The following ABCB1 variants were observed in gnomAD, a reference collection of about 807,000 sequenced individuals.
The protein encoded by ABCB1 is ATP-dependent translocase ABCB1.
In ABCB1, 69 loss-of-function variants were observed where a neutral mutation model predicts 142.0. The observed-to-expected ratio is 0.49, with a 90% CI of 0.40 to 0.59. The LOEUF (loss-of-function observed/expected upper bound fraction) is 0.59, where lower values mean the gene tolerates loss of function less well. Ranked by LOEUF, ABCB1 falls within the 20% of genes least tolerant of loss-of-function variation. The pLI is 0.00. For synonymous variants in ABCB1, 532 were observed against 539.2 expected (o/e 0.99, Z 0.18); for missense variants, 1,326 against 1,554.7 (o/e 0.85, Z 2.47).
chr7:87,656,537 A>G (rs2130417985), intron 1 of ABCB1, among the ~76,000 whole-genome samples: 1 of 152,196 alleles, frequency 6.6e-6, no homozygotes, highest in Non-Finnish European at 1.5e-5. Context: ...ACACTTGAGA[A>G]AAAATGATAG....
chr7:87,666,705 A>G (rs62489861), intron 1 of ABCB1, among the ~76,000 whole-genome samples: 11 of 152,120 alleles, frequency 7.2e-5, no homozygotes, highest in Non-Finnish European at 1.0e-4. Flanking sequence ...TCTTCCACAT[A>G]TGGCTATCCA....
chr7:87,628,954 G>T (rs930887159), intron 1 of ABCB1: 2 of 1,309,038 alleles, frequency 1.5e-6, no homozygotes, highest in East Asian at 2.8e-5. Context: ...AGGTACGGCA[G>T]CGCAGGGCGA....
chr7:87,594,663 G>A (rs537655398), intron 3 of ABCB1, among the ~76,000 whole-genome samples: 4 of 152,246 alleles, frequency 2.6e-5, no homozygotes, highest in African/African-American at 9.6e-5. Context: ...AATGACTCAA[G>A]TACATAGTCT....
At position 87,539,284 on chromosome 7, in the gene ABCB1, CG is replaced by C; in HGVS notation, c.2380del (p.Arg794AspfsTer8). 5.0e-6 allele frequency: 8 copies of C among 1,614,090 alleles called. No homozygotes were observed. The highest frequency in any genetic ancestry group is 5.9e-6 in the Non-Finnish European group (7 of 1,179,996). On this transcript the variant is annotated frameshift_variant, in exon 19 of 28. Transcript: ENST00000622132. LOFTEE classifies it high-confidence loss of function. ...TAGACATACCTGTCTGAGCATGGAT[CG>C]GAAAACCATGTATCGGAGCCGCTTG... ...LTKRLRYMVF[R>X]SMLRQDVSWF...
Position 87,600,760 on chromosome 7 carries a change from G to C in ABCB1, c.-12C>G, listed in dbSNP as rs1819422093. On this transcript the variant is annotated 5_prime_UTR_variant, in exon 1 of 28. Transcript: ENST00000622132. ...CCAGCTTTGCGTGCCCCTACCTCGC[G>C]CTCCTTGGAACGGCCACCAAGACGT... 1 of 152,726 alleles carries C rather than the reference G, an allele frequency of 6.5e-6. No homozygotes were observed. The highest frequency in any genetic ancestry group is 2.4e-5 in the African/African-American group (1 of 41,426). The allele number at this position is 152,726 out of a possible 1,614,324, so 9.5% of individuals were successfully genotyped here.
At chr7:87,569,405 T>C (rs1297419923) in intron 5 of ABCB1, among the ~76,000 whole-genome samples, 2 of 152,062 alleles carry the variant, frequency 1.3e-5, no homozygotes, top group African/African-American at 4.8e-5. Context: ...GTAAAATCAT[T>C]TTCTTCTGAT....
At chr7:87,567,776 T>C (rs1364327968) in intron 5 of ABCB1, among the ~76,000 whole-genome samples, 1 of 152,154 alleles carries the variant, frequency 6.6e-6, no homozygotes, top group Non-Finnish European at 1.5e-5. Context: ...AATTAATGTT[T>C]CCTTGCTCTG....
Position 87,536,540 on chromosome 7 carries a change from T to C in ABCB1, c.2399A>G (p.Asp800Gly). ...YMVFRSMLRQ[D>G]VSWFDDPKNT... is the part of the protein sequence containing the mutation. ...TTTAGGGTCATCAAACCAACTCACA[T>C]CCTGTGGCACAGAAAATGATTTTAT... Residue 800 changes from aspartate to glycine, a missense_variant and splice_region_variant, in exon 20 of 28, where the codon GAT becomes GGT. By Grantham distance (94) the Asp-to-Gly change is moderately conservative. Coordinates refer to ENST00000622132, the MANE Select transcript of ABCB1 (RefSeq NM_001348946.2). 1 of 1,613,792 alleles carries C rather than the reference T, an allele frequency of 6.2e-7. No individual in the cohort carries two copies. Among genetic ancestry groups the C allele is most frequent in the South Asian group, 1.1e-5 (1 of 91,062 alleles).
chr7:87,632,223 T>A (rs989957266), intron 1 of ABCB1, among the ~76,000 whole-genome samples: 1 of 152,200 alleles, frequency 6.6e-6, no homozygotes, highest in Non-Finnish European at 1.5e-5. Context: ...CAGTTTAGGT[T>A]TAAAGTCTTC....
intron 1 of ABCB1, among the ~76,000 whole-genome samples, chr7:87,703,912 TGG>T (rs375496150): frequency 0.14 from 8,532 of 61,496 alleles, 17 homozygotes; most frequent in African/African-American, 0.17. Flanking sequence ...TTTTTTTTTT[TGG>T]TTTTTTTTTT....
intron 1 of ABCB1, among the ~76,000 whole-genome samples, chr7:87,686,361 G>A (rs949162500): frequency 5.9e-5 from 9 of 152,162 alleles, no homozygotes; most frequent in Non-Finnish European, 1.3e-4. Flanking sequence ...ATATTAACGA[G>A]CATGGTGTAA....
At chr7:87,644,568 T>C (rs1456163620) in intron 1 of ABCB1, among the ~76,000 whole-genome samples, 2 of 152,222 alleles carry the variant, frequency 1.3e-5, no homozygotes, top group Non-Finnish European at 2.9e-5. Context: ...TGATTCTAGA[T>C]GTTTTCATGT....
At chr7:87,521,914 AC>A in intron 21 of ABCB1, 1 of 775,702 alleles carries the variant, frequency 1.3e-6, no homozygotes, top group Non-Finnish European at 2.3e-6. Context: ...TGCTTTAGTA[AC>A]TTTTGACGAC....
intron 21 of ABCB1, among the ~76,000 whole-genome samples, chr7:87,525,383 C>G (rs1815738362): frequency 6.6e-6 from 1 of 152,030 alleles, no homozygotes; most frequent in African/African-American, 2.4e-5. Flanking sequence ...TACAATGGAG[C>G]CTTGGACAAC....
intron 23 of ABCB1, among the ~76,000 whole-genome samples, chr7:87,517,464 A>G (rs906332153): frequency 2.6e-5 from 4 of 152,018 alleles, no homozygotes; most frequent in African/African-American, 9.7e-5. Flanking sequence ...ATCCCAACCA[A>G]CCAGCTACAG....
chr7:87,681,174 G>T (rs1826894302), intron 1 of ABCB1, among the ~76,000 whole-genome samples: 1 of 150,586 alleles, frequency 6.6e-6, no homozygotes, highest in African/African-American at 2.5e-5. Context: ...ATCTATTAAA[G>T]AAGTTGAATC....
chr7:87,694,184 C>T (rs1000916378), intron 1 of ABCB1: 1 of 329,276 alleles, frequency 3.0e-6, no homozygotes, highest in African/African-American at 2.2e-5. Context: ...AATATAATAA[C>T]CTATTTACTT....
intron 6 of ABCB1, 94 bp downstream of exon 6, chr7:87,566,691 T>C: frequency 1.6e-6 from 2 of 1,248,328 alleles, no homozygotes; most frequent in Non-Finnish European, 1.2e-6. Flanking sequence ...CTTTGAATGA[T>C]ACATTAACAC....
intron 1 of ABCB1, among the ~76,000 whole-genome samples, chr7:87,701,121 G>A (rs1374843640): frequency 6.6e-6 from 1 of 152,220 alleles, no homozygotes; most frequent in Non-Finnish European, 1.5e-5. Context: ...ACTGAAATAT[G>A]ATGGTTGCTT....
Sources: allele counts gnomAD v4.1 joint callset (sites outside exome capture counted in the v4.1 genomes callset), GRCh38; gene constraint gnomAD v4.1.1; transcripts MANE v1.5; gene names NCBI Gene and HGNC (gene_info 2026-07-23, HGNC 2026-07-21).